SEMA3D: variants seen among roughly 807,000 people sequenced by gnomAD.
SEMA3D encodes semaphorin-3D.
Under a neutral mutation model 100.1 loss-of-function variants are expected in SEMA3D, and 84 were observed. The ratio of observed to expected loss-of-function variants is 0.84; its 90% CI spans 0.70 to 1.01. The LOEUF is 1.01. Among genes scored for constraint, SEMA3D ranks in the 50% least tolerant of loss-of-function variants. The pLI, the probability that SEMA3D is intolerant of heterozygous loss-of-function variation, is 0.00. For synonymous variants in SEMA3D, 312 were observed against 320.7 expected (o/e 0.97, Z 0.29); for missense variants, 875 against 934.1 (o/e 0.94, Z 0.82).
At chr7:85,184,676 T>C (rs1006205060) in intron 1 of SEMA3D, among the ~76,000 whole-genome samples, 22 of 152,360 alleles carry the variant, frequency 1.4e-4, no homozygotes, top group African/African-American at 4.8e-4. Flanking sequence ...ATTGGAAATT[T>C]TGGCAATTCG....
chr7:85,068,346 G>A, intron 6 of SEMA3D, 62 bp from the exon 7 acceptor site: 1 of 883,304 alleles, frequency 1.1e-6, no homozygotes, highest in Middle Eastern at 2.2e-4. Flanking sequence ...GTAAGAATGT[G>A]GGAGATACAA....
chr7:85,214,419 C>T, the SEMA3D span, among the ~76,000 whole-genome samples: 6 of 152,092 alleles, frequency 3.9e-5, no homozygotes, highest in African/African-American at 1.2e-4. Context: ...AAACATACGA[C>T]ACCCAGAGAG....
chr7:85,142,511 C>T, intron 2 of SEMA3D: 1 of 983,742 alleles, frequency 1.0e-6, no homozygotes, highest in Non-Finnish European at 1.2e-6. Context: ...TTTATTTAAT[C>T]ATTCTCCATG....
intron 9 of SEMA3D, among the ~76,000 whole-genome samples, chr7:85,048,998 T>C (rs1392160178): frequency 5.3e-5 from 8 of 151,870 alleles, no homozygotes; most frequent in African/African-American, 1.9e-4. Flanking sequence ...TGGCACTTGC[T>C]CTTTACTGTT....
At chr7:85,091,088 AAGAG>A (rs1397968540) in intron 4 of SEMA3D, among the ~76,000 whole-genome samples, 4 of 142,650 alleles carry the variant, frequency 2.8e-5, no homozygotes, top group African/African-American at 8.4e-5. Context: ...AAGAGAGAGA[AAGAG>A]AGAGGGAGAG....
Position 84,999,799 on chromosome 7 carries a change from C to G in SEMA3D, c.1975G>C (p.Asp659His). The G allele has an allele frequency of 6.2e-7, 1 of 1,614,006 alleles. No individual in the cohort carries two copies. The highest frequency in any genetic ancestry group is 8.5e-7 in the Non-Finnish European group (1 of 1,179,998). ...GLLIRSLQKK[D>H]SGMYYCKAQE... ...GCTTTGCAGTAATACATCCCAGAAT[C>G]CTTCTTCTGCAAACTTCGAATCAGT... Residue 659 changes from aspartate to histidine, a missense_variant, in exon 19 of 19, where the codon GAT (aspartate) becomes CAT (histidine). By Grantham distance (81) the Asp-to-His change is moderately conservative. Transcript: ENST00000284136.
chr7:85,130,242 C>T (rs557725405), intron 2 of SEMA3D, among the ~76,000 whole-genome samples: 2 of 152,240 alleles, frequency 1.3e-5, no homozygotes, highest in South Asian at 4.1e-4. Context: ...CAATAACTAA[C>T]ATTTTAAATT....
chr7:85,084,225 C>T (rs1158905036), intron 4 of SEMA3D, among the ~76,000 whole-genome samples: 6 of 152,094 alleles, frequency 3.9e-5, no homozygotes, highest in Admixed American at 3.3e-4. Context: ...AAGGTATCCT[C>T]TCACTTTTTC....
the SEMA3D span, among the ~76,000 whole-genome samples, chr7:85,249,143 T>C: frequency 6.6e-6 from 1 of 152,182 alleles, no homozygotes; most frequent in Admixed American, 6.5e-5. Flanking sequence ...CACTCTAAAC[T>C]ATAGTCTTTT....
At chr7:85,209,092 A>G in the SEMA3D span, among the ~76,000 whole-genome samples, 1 of 152,060 alleles carries the variant, frequency 6.6e-6, no homozygotes, top group Non-Finnish European at 1.5e-5. Flanking sequence ...AATTAAAATC[A>G]GTTTATAGCA....
chr7:85,163,109 G>C, intron 1 of SEMA3D: 1 of 417,036 alleles, frequency 2.4e-6, no homozygotes, highest in Non-Finnish European at 3.2e-6. Context: ...ACAAAGAAAA[G>C]AAAAAAAAAG....
intron 2 of SEMA3D, among the ~76,000 whole-genome samples, chr7:85,126,542 T>C (rs1789577133): frequency 6.6e-6 from 1 of 152,006 alleles, no homozygotes; most frequent in Non-Finnish European, 1.5e-5. Context: ...GAGAATGTTT[T>C]TTACCCAATT....
chr7:85,061,440 C>T (rs544750991), intron 8 of SEMA3D, among the ~76,000 whole-genome samples: 2 of 152,054 alleles, frequency 1.3e-5, no homozygotes, highest in Non-Finnish European at 2.9e-5. Flanking sequence ...CTAAGTGCTT[C>T]GGTGATAAAA....
intron 12 of SEMA3D, among the ~76,000 whole-genome samples, chr7:85,031,047 C>A (rs1018454194): frequency 6.6e-6 from 1 of 151,990 alleles, no homozygotes; most frequent in Non-Finnish European, 1.5e-5. Flanking sequence ...ATAATATATC[C>A]TTTTGCATTC....
intron 1 of SEMA3D, among the ~76,000 whole-genome samples, chr7:85,164,256 A>G (rs940748991): frequency 2.6e-5 from 4 of 152,120 alleles, no homozygotes; most frequent in Non-Finnish European, 4.4e-5. Flanking sequence ...ATATCACTGT[A>G]TAATGATACC....
At chr7:85,177,884 T>A (rs566729897) in intron 1 of SEMA3D, among the ~76,000 whole-genome samples, 1 of 152,158 alleles carries the variant, frequency 6.6e-6, no homozygotes, top group African/African-American at 2.4e-5. Context: ...CCAAATTTCA[T>A]CTTGAATTGT....
chr7:85,172,563 T>A (rs1791113539), intron 1 of SEMA3D, among the ~76,000 whole-genome samples: 1 of 152,050 alleles, frequency 6.6e-6, no homozygotes, highest in African/African-American at 2.4e-5. Context: ...TTAGATTCCC[T>A]ACAGATGCAG....
At chr7:85,183,101 T>G (rs1791446587) in intron 1 of SEMA3D, among the ~76,000 whole-genome samples, 1 of 152,252 alleles carries the variant, frequency 6.6e-6, no homozygotes, top group South Asian at 2.1e-4. Flanking sequence ...AGTCAGAATG[T>G]CTTCCCCTTG....
the SEMA3D span, among the ~76,000 whole-genome samples, chr7:85,237,732 C>T: frequency 1.3e-5 from 2 of 152,194 alleles, no homozygotes; most frequent in African/African-American, 4.8e-5. Context: ...GAGGATAACG[C>T]TCCAATAATA....
Sources: gnomAD v4.1 joint callset for allele counts (sites outside exome capture counted in the v4.1 genomes callset) on GRCh38, gnomAD v4.1.1 for gene constraint, MANE v1.5 for transcripts, NCBI Gene and HGNC (gene_info 2026-07-23, HGNC 2026-07-21) for gene names.